Variants in MYO18A observed in about 807,000 individuals in gnomAD.
MYO18A encodes the protein unconventional myosin-XVIIIa.
In MYO18A, 78 loss-of-function variants were observed where a neutral mutation model predicts 235.8. The ratio of observed to expected loss-of-function variants is 0.33; its 90% CI spans 0.28 to 0.40. MYO18A has a LOEUF of 0.40. MYO18A is among the 10% of genes least tolerant of loss of function. The pLI is 1.00. For missense variants in MYO18A, 2,215 were observed against 2,699.3 expected (o/e 0.82, Z 3.98); for synonymous variants, 977 against 1,077.8 (o/e 0.91, Z 1.83).
Position 29,092,858 on chromosome 17 carries a change from G to A in MYO18A, c.5070C>T (p.Asn1690=). The part of the protein sequence containing the change: ...PSKREIAQLK[N]QLEESEFTCA... ...GCCGTGTGCTCTCTGTGGATACCTG[G>A]TTCTTGAGCTGGGCAATCTCTCGCT... The change falls in exon 33 of 42, where the codon AAC becomes AAT. Residue 1690 remains asparagine, a synonymous_variant. Transcript: ENST00000527372. 6.2e-7 allele frequency: 1 copy of A among 1,613,834 alleles called. No individual in the cohort carries two copies. The highest frequency in any genetic ancestry group is 8.5e-7 in the Non-Finnish European group (1 of 1,179,876).
chr17:29,107,274 G>A (rs2066811874), intron 19 of MYO18A, 85 bp from the exon 20 acceptor site: 1 of 1,311,568 alleles, frequency 7.6e-7, no homozygotes, highest in Non-Finnish European at 1.1e-6. Context: ...GGCAGTCAGT[G>A]GAGAGTCACC....
chr17:29,092,588 G>T (rs1447008374), intron 33 of MYO18A, 132 bp from the exon 34 acceptor site: 3 of 845,142 alleles, frequency 3.5e-6, no homozygotes, highest in East Asian at 2.7e-5. Flanking sequence ...CAGGGCCATG[G>T]CTGTGTGGTG....
chr17:29,156,514 G>C (rs991403260), intron 2 of MYO18A, among the ~76,000 whole-genome samples: 1 of 152,184 alleles, frequency 6.6e-6, no homozygotes, highest in Non-Finnish European at 1.5e-5. Flanking sequence ...ACACGCTAAG[G>C]TCCTAGAGAC....
At position 29,074,865 on chromosome 17, in the gene MYO18A, G is replaced by A. The variant is rs1278539085; in HGVS notation, c.6070C>T (p.His2024Tyr). 6.2e-7 allele frequency: 1 copy of A among 1,613,930 alleles called. No individual in the cohort carries two copies. The highest frequency in any genetic ancestry group is 8.5e-7 in the Non-Finnish European group (1 of 1,179,876). Residue 2024 changes from histidine to tyrosine, a missense_variant, in exon 42 of 42, where the codon CAC becomes TAC. Transcript: ENST00000527372. The surrounding 1 kb of genome is among the most constrained non-coding windows in gnomAD (Gnocchi z 4.4). ...SLAPDRSDDE[H>Y]DPLDNTSRPR... ...CTGGAGGTGTTGTCGAGAGGGTCGT[G>A]CTCATCATCTGACCGATCAGGGGCA...
rs779414562 is a variant in MYO18A, at chr17:29,074,129, C to G, written c.*641G>C. On this transcript the variant is annotated 3_prime_UTR_variant, in exon 42 of 42. Transcript: ENST00000527372. This position sits in a 1 kb window ranked among gnomAD's most constrained non-coding sequence, Gnocchi z 4.4. ...CTCATTCTTAAGAACCTGGACCCGG[C>G]TCTCCTCACCAGCGTCTCCAGCTGC... The G allele has an allele frequency of 6.2e-7, 1 of 1,614,020 alleles. No homozygotes were observed. The highest frequency in any genetic ancestry group is 1.1e-5 in the South Asian group (1 of 91,054).
chr17:29,174,398 T>C (rs1390773571), intron 1 of MYO18A, among the ~76,000 whole-genome samples: 6 of 152,074 alleles, frequency 3.9e-5, no homozygotes, highest in Non-Finnish European at 8.8e-5. Context: ...TACCAGCTAC[T>C]TGGGAGGCTG....
At chr17:29,082,574 G>T in intron 40 of MYO18A, 136 bp from the exon 41 acceptor site, 1 of 827,486 alleles carries the variant, frequency 1.2e-6, no homozygotes, top group Non-Finnish European at 1.9e-6. Flanking sequence ...GGGAGGGCGG[G>T]AATGAGAGAG....
rs1420634373 is a variant in MYO18A at position 29,072,733 on chromosome 17, G to A, written c.*2037C>T. ...CAGAGCCTCGGCACTTGGGCTGTTT[G>A]CTATTTTTTCCCACCCATCTGTCCA... On this transcript the variant is annotated 3_prime_UTR_variant, in exon 42 of 42. Transcript: ENST00000527372. 6.6e-6 allele frequency: 1 copy of A among 152,162 alleles called. No homozygotes were observed. The highest frequency in any genetic ancestry group is 1.5e-5 in the Non-Finnish European group (1 of 68,046). 9.4% of individuals were successfully genotyped at this position (152,162 alleles called of 1,614,324 possible).
At chr17:29,148,649 T>C (rs942319610) in intron 2 of MYO18A, among the ~76,000 whole-genome samples, 1 of 151,496 alleles carries the variant, frequency 6.6e-6, no homozygotes, top group East Asian at 1.9e-4. Context: ...TATGAAACAG[T>C]AGTGTTAGGA....
Position 29,166,285 on chromosome 17 carries a change from C to A in MYO18A, c.656G>T (p.Arg219Leu). Residue 219 changes from arginine (R) to leucine (L), a missense_variant, in exon 2 of 42, where the codon CGG becomes CTG. Coordinates refer to ENST00000527372, the MANE Select transcript of MYO18A (RefSeq NM_078471.4). ...PVVPLPPPTL[R>L]ELELQRRPTG... ...GGGCCGTCGTTGCAGCTCCAGCTCC[C>A]GGAGGGTAGGTGGGGGCAGGGGCAC... is the stretch of plus-strand genomic sequence containing the variant. 1 of 1,612,812 alleles carries A rather than the reference C, an allele frequency of 6.2e-7. No homozygotes were observed. The highest frequency in any genetic ancestry group is 2.2e-5 in the East Asian group (1 of 44,872).
chr17:29,116,557 G>T lies in MYO18A; in HGVS notation c.2039-102C>A, dbSNP rs1234080310. ...GCCTCGGAGGGACCGTGGGGCGGGGGTGTTGTGAGGATGAGTAGGCAAGAA... is the reference window on the plus strand; with the variant it reads ...GCCTCGGAGGGACCGTGGGGCGGGGTTGTTGTGAGGATGAGTAGGCAAGAA... On this transcript the variant is annotated intron_variant, in intron 10 of 41. Transcript: ENST00000527372. 6 of 1,397,882 alleles carry T rather than the reference G, an allele frequency of 4.3e-6. No homozygotes were observed. The African/African-American group carries it at 4.3e-5, about 10-fold the overall frequency. The allele number at this position is 1,397,882 out of a possible 1,614,324, so 86.6% of individuals were successfully genotyped here.
Position 29,111,307 on chromosome 17 carries a change from A to G in MYO18A, c.2900+117T>C, listed in dbSNP as rs1027724243. On this transcript the variant is annotated intron_variant, in intron 17 of 41. Transcript: ENST00000527372. This position sits in a 1 kb window ranked among gnomAD's most constrained non-coding sequence, Gnocchi z 5.1. ...TGCCCTGGGCTGTTGCCTCTCAGGA[A>G]TAAAGGCCATCTACTTTGCTAGTGA... 37 of 1,239,668 alleles carry G rather than the reference A, an allele frequency of 3.0e-5. No individual in the cohort carries two copies. The highest frequency in any genetic ancestry group is 4.4e-5 in the Admixed American group (2 of 45,132). 76.8% of individuals were successfully genotyped at this position (1,239,668 alleles called of 1,614,324 possible).
chr17:29,080,182 CTCT>C (rs2066084765), intron 41 of MYO18A: 1 of 985,914 alleles, frequency 1.0e-6, no homozygotes, highest in Non-Finnish European at 1.2e-6. Context: ...ACTTTGGATG[CTCT>C]TCCTGTCATC....
rs2066435327 is a variant in MYO18A at position 29,093,020 on chromosome 17, T to C, written c.4927-19A>G. ...GGTTCACCTGGGTGGGCACCAGCAG[T>C]TGGGGTTCTGGGCTCTGCACAGGGC... On this transcript the variant is annotated intron_variant, in intron 32 of 41. Transcript: ENST00000527372. 3.1e-6 allele frequency: 5 copies of C among 1,610,766 alleles called. No individual in the cohort carries two copies. The highest frequency in any genetic ancestry group is 3.4e-6 in the Non-Finnish European group (4 of 1,179,024).
In MYO18A at chr17:29,118,365, C is replaced by G. The variant is rs752730876; in HGVS notation, c.1893+12G>C. The G allele has an allele frequency of 1.2e-6, 2 of 1,600,794 alleles. No individual in the cohort carries two copies. Among genetic ancestry groups the G allele is most frequent in the South Asian group, 1.1e-5 (1 of 90,236 alleles). ...CCCAGGGCTGGCAACCCAGACCCCA[C>G]AGACCCCTCACCTTGGCCAGTGGCA... On this transcript the variant is annotated intron_variant, in intron 9 of 41. Coordinates refer to ENST00000527372, the MANE Select transcript of MYO18A (RefSeq NM_078471.4). The surrounding 1 kb of genome is among the most constrained non-coding windows in gnomAD (Gnocchi z 4.2).
chr17:29,080,574 G>T (rs1345776452), intron 41 of MYO18A: 17 of 985,780 alleles, frequency 1.7e-5, no homozygotes, highest in Admixed American at 6.1e-5. Context: ...AGGTGCTGCG[G>T]CGGGAACCGG....
intron 1 of MYO18A, among the ~76,000 whole-genome samples, chr17:29,172,607 G>A (rs2068431066): frequency 6.6e-6 from 1 of 152,082 alleles, no homozygotes; most frequent in Non-Finnish European, 1.5e-5. Flanking sequence ...CTAAGGTGGG[G>A]GAATTAAATG....
rs916609869 is a variant in MYO18A, at chr17:29,093,125, G to T, written c.4927-124C>A. On this transcript the variant is annotated intron_variant, in intron 32 of 41. Transcript: ENST00000527372. ...CCATAAGGATGCTGGAAGAGCCAGGGTCATGCCAACCAGCGATAAAGGGCT... is the reference window on the plus strand; with the variant it reads ...CCATAAGGATGCTGGAAGAGCCAGGTTCATGCCAACCAGCGATAAAGGGCT... The T allele has an allele frequency of 2.8e-5, 38 of 1,358,384 alleles. 1 individual carries two copies. The highest frequency in any genetic ancestry group is 5.2e-4 in the Middle Eastern group (2 of 3,876). 84.1% of individuals were successfully genotyped at this position (1,358,384 alleles called of 1,614,324 possible).
intron 21 of MYO18A, among the ~76,000 whole-genome samples, chr17:29,100,930 A>G (rs2066638833): frequency 6.6e-6 from 1 of 152,226 alleles, no homozygotes; most frequent in African/African-American, 2.4e-5. Flanking sequence ...CCTTTGTGAC[A>G]CTTCCCTAAA....
Sources: allele counts gnomAD v4.1 joint callset (sites outside exome capture counted in the v4.1 genomes callset), GRCh38; gene constraint gnomAD v4.1.1; non-coding constraint Gnocchi (gnomAD v3.1); transcripts MANE v1.5; gene names NCBI Gene and HGNC (gene_info 2026-07-23, HGNC 2026-07-21).